EPHX3: variants seen among roughly 807,000 people sequenced by gnomAD.
EPHX3 encodes abhydrolase domain containing 9.
Under a neutral mutation model 40.2 loss-of-function variants are expected in EPHX3, and 39 were observed. That is an observed-to-expected ratio of 0.97 (90% confidence interval 0.75 to 1.27). The LOEUF (loss-of-function observed/expected upper bound fraction) is 1.27, where lower values mean the gene tolerates loss of function less well. Among genes scored for constraint, EPHX3 ranks in the 50% most tolerant of loss-of-function variants. The probability of loss-of-function intolerance (pLI) is 0.00; values close to 1 mark genes in which losing one functional copy is unlikely to be tolerated. For synonymous variants in EPHX3, 213 were observed against 209.7 expected (o/e 1.02, Z -0.14); for missense variants, 442 against 474.0 (o/e 0.93, Z 0.63).
intron 2 of EPHX3, 130 bp from the exon 3 acceptor site, chr19:15,231,526 C>T: frequency 7.8e-7 from 1 of 1,280,232 alleles, no homozygotes; most frequent in South Asian, 1.5e-5. Context: ...GATGGGGAAT[C>T]CCAGGCAGAG....
Position 15,232,230 on chromosome 19 carries a change from C to A in EPHX3, c.-19G>T, listed in dbSNP as rs545458851. ...CCGGCATGTCGCCGCGCTCCGGGACCACGGCGGCGCTGCCGGCCAGGGGCA... is the reference window on the plus strand; with the variant it reads ...CCGGCATGTCGCCGCGCTCCGGGACAACGGCGGCGCTGCCGGCCAGGGGCA... On this transcript the variant is annotated 5_prime_UTR_variant, in exon 1 of 7. Transcript: ENST00000221730. The A allele has an allele frequency of 1.2e-4, 180 of 1,472,954 alleles. No homozygotes were observed. The highest frequency in any genetic ancestry group is 1.5e-4 in the Non-Finnish European group (172 of 1,123,628). The allele number at this position is 1,472,954 out of a possible 1,614,324, so 91.2% of individuals were successfully genotyped here. A position where few individuals can be genotyped will look rare whatever the true frequency, so the allele number is the denominator to read the frequency against.
intron 4 of EPHX3, among the ~76,000 whole-genome samples, chr19:15,230,513 T>C (rs2047145992): frequency 6.6e-6 from 1 of 150,782 alleles, no homozygotes; most frequent in Non-Finnish European, 1.5e-5. Context: ...GGAGTTTTGC[T>C]CTTGTTGCCT....
upstream of EPHX3, chr19:15,236,948 C>A (rs2047196376): frequency 4.8e-6 from 1 of 206,886 alleles, no homozygotes; most frequent in African/African-American, 2.3e-5. Context: ...CACTGAGGCA[C>A]CAGCGTCGTG....
chr19:15,229,882 T>G (rs2047140579), intron 4 of EPHX3, among the ~76,000 whole-genome samples: 1 of 6,654 alleles, frequency 1.5e-4, no homozygotes, highest in African/African-American at 1.2e-3. Context: ...CAAGACTCTG[T>G]CTCAAAAAAA....
intron 2 of EPHX3, 95 bp downstream of exon 2, chr19:15,231,681 C>T (rs1002650754): frequency 7.6e-7 from 1 of 1,322,846 alleles, no homozygotes; most frequent in Non-Finnish European, 1.1e-6. Context: ...TTCAGCTTGT[C>T]CCGATCTATA....
At chr19:15,235,868 C>CTTT (rs1330708471), upstream of EPHX3, 1 of 152,200 alleles carries the variant, frequency 6.6e-6, no homozygotes, top group Non-Finnish European at 1.5e-5. Flanking sequence ...TGAGTTAAAT[C>CTTT]TTCAGCAGGA....
chr19:15,229,621 G>C (rs528582817), intron 4 of EPHX3, among the ~76,000 whole-genome samples: 1 of 148,960 alleles, frequency 6.7e-6, no homozygotes, highest in Non-Finnish European at 1.5e-5. Flanking sequence ...GGGGCCAGGC[G>C]TGGTGGCTCA....
chr19:15,232,043 C>A lies in EPHX3; in HGVS notation c.169G>T (p.Gly57Trp). Residue 57 changes from glycine (G) to tryptophan (W), a missense_variant, in exon 1 of 7, where the codon GGG (glycine) becomes TGG (tryptophan). Physicochemically the swap from Gly to Trp is radical, Grantham distance 184 (BLOSUM62 -2). Transcript: ENST00000221730. ...VLCRPRRGCC[G>W]RRRSASPACL... ...GCGGGGGACGCGCTCCGACGGCGCC[C>A]GCAGCAGCCGCGCCGGGGCCGGCAC... 6.3e-7 allele frequency: 1 copy of A among 1,582,438 alleles called. No homozygotes were observed. The highest frequency in any genetic ancestry group is 1.3e-5 in the African/African-American group (1 of 74,602).
At chr19:15,234,075 A>G (rs1248957869), upstream of EPHX3, among the ~76,000 whole-genome samples, 1 of 151,616 alleles carries the variant, frequency 6.6e-6, no homozygotes, top group East Asian at 1.9e-4. Context: ...AAAAAAAAAA[A>G]GCAGCCAGCT....
chr19:15,232,632 T>C (rs968883127), upstream of EPHX3, among the ~76,000 whole-genome samples: 2 of 150,752 alleles, frequency 1.3e-5, no homozygotes, highest in Non-Finnish European at 3.0e-5. Context: ...ATCCCAGCAC[T>C]TTGGTAGGCC....
chr19:15,236,983 G>A (rs777704868), upstream of EPHX3: 14 of 200,398 alleles, frequency 7.0e-5, no homozygotes, highest in Admixed American at 1.8e-4. Flanking sequence ...CTCATGGCAC[G>A]CGTAACCTCA....
At position 15,231,982 on chromosome 19, in the gene EPHX3, A is replaced by C; in HGVS notation, c.230T>G (p.Phe77Cys). Residue 77 changes from phenylalanine to cysteine, a missense_variant, in exon 1 of 7, where the codon TTC becomes TGC. Coordinates refer to ENST00000221730, the MANE Select transcript of EPHX3 (RefSeq NM_024794.3). ...CCGTGCGATCACCTTGAGGTTCAGG[A>C]AACCGTGCTCACCCAGCGAGGGGTC... is the stretch of plus-strand genomic sequence containing the variant. ...LSDPSLGEHG[F>C]LNLKSSGLRL... 6.2e-7 allele frequency: 1 copy of C among 1,611,140 alleles called. No homozygotes were observed. The highest frequency in any genetic ancestry group is 1.1e-5 in the South Asian group (1 of 91,042).
chr19:15,231,161 T>C lies in EPHX3; in HGVS notation c.488-71A>G, dbSNP rs1050787218. 33 of 1,611,944 alleles carry C rather than the reference T, an allele frequency of 2.0e-5. No individual in the cohort carries two copies. In the African/African-American group the frequency reaches 4.1e-4, roughly 20 times the overall value. The stretch of plus-strand genomic sequence containing the variant: ...CTGAAGCAGGGATGGGGGAAGTAGG[T>C]TCCAGCAAGGAGAAAGCGGGGGTAT... On this transcript the variant is annotated intron_variant, in intron 3 of 6. Transcript: ENST00000221730.
intron 4 of EPHX3, among the ~76,000 whole-genome samples, chr19:15,229,917 GAAAAGA>G (rs1442679508): frequency 1.3e-5 from 1 of 74,528 alleles, no homozygotes; most frequent in African/African-American, 5.2e-5. Flanking sequence ...AAAAAGAAAA[GAAAAGA>G]AAAAGAAAAA....
upstream of EPHX3, among the ~76,000 whole-genome samples, chr19:15,234,272 C>T (rs942285541): frequency 6.6e-6 from 1 of 152,122 alleles, no homozygotes; most frequent in African/African-American, 2.4e-5. Context: ...AATAGCCATC[C>T]GCAAAGATGT....
At position 15,229,885 on chromosome 19, in the gene EPHX3, C is replaced by CAAAAAAAAAAAAAAAAAAA. The variant is rs546876108; in HGVS notation, c.616+1058_616+1076dup. On this transcript the variant is annotated intron_variant, in intron 4 of 6. Coordinates refer to ENST00000221730, the MANE Select transcript of EPHX3 (RefSeq NM_024794.3). The stretch of plus-strand genomic sequence containing the variant: ...CTGGCGACAGAGCAAGACTCTGTCT[C>CAAAAAAAAAAAAAAAAAAA]AAAAAAAAAAAAAAAAAAAAAAAAA... Among the ~76,000 whole-genome samples, 24 of 9,368 alleles carry CAAAAAAAAAAAAAAAAAAA rather than the reference C, an allele frequency of 2.6e-3. 1 individual carries two copies. The highest frequency in any genetic ancestry group is 5.2e-3 in the East Asian group (1 of 194). The allele number at this position is 9,368 out of a possible 152,430, so 6.1% of individuals were successfully genotyped here. A position where few individuals can be genotyped will look rare whatever the true frequency, so the allele number is the denominator to read the frequency against.
upstream of EPHX3, among the ~76,000 whole-genome samples, chr19:15,234,891 C>T (rs946594360): frequency 1.3e-5 from 2 of 152,222 alleles, no homozygotes; most frequent in African/African-American, 4.8e-5. Context: ...CCGAATAGAC[C>T]ACTATGATTA....
chr19:15,234,052 T>C (rs2047173971), upstream of EPHX3, among the ~76,000 whole-genome samples: 1 of 141,632 alleles, frequency 7.1e-6, no homozygotes, highest in Admixed American at 7.1e-5. Flanking sequence ...AGAGCGAGAC[T>C]CCGTCTCAAA....
Position 15,231,277 on chromosome 19 carries a change from A to T in EPHX3, c.449T>A (p.Leu150Gln), listed in dbSNP as rs1187735340. Residue 150 changes from leucine (L) to glutamine (Q), a missense_variant, in exon 3 of 7, where the codon CTG becomes CAG. Leu to Gln is a moderately radical substitution (Grantham distance 113). Coordinates refer to ENST00000221730, the MANE Select transcript of EPHX3 (RefSeq NM_024794.3). ...GACATCTTTGATGTCCACCAGCAGCAGGTCGATTGTGTAGCAGTCCACATC... is the reference window on the plus strand; with the variant it reads ...GACATCTTTGATGTCCACCAGCAGCTGGTCGATTGTGTAGCAGTCCACATC... ...PRDVDCYTIDLLLVDIKDVIL... is the reference protein window; with the variant it reads ...PRDVDCYTIDQLLVDIKDVIL... 6.2e-7 allele frequency: 1 copy of T among 1,613,860 alleles called. No individual in the cohort carries two copies. Among genetic ancestry groups the T allele is most frequent in the Non-Finnish European group, 8.5e-7 (1 of 1,179,980 alleles).
Sources: allele counts gnomAD v4.1 joint callset (sites outside exome capture counted in the v4.1 genomes callset), GRCh38; gene constraint gnomAD v4.1.1; transcripts MANE v1.5; gene names NCBI Gene and HGNC (gene_info 2026-07-23, HGNC 2026-07-21).